ZNF606: variants seen among roughly 807,000 people sequenced by gnomAD.
ZNF606 encodes zinc finger protein 606, also known as zinc finger protein 328.
A neutral mutation model predicts 74.9 loss-of-function variants in ZNF606; 37 were observed. The observed-to-expected ratio is 0.49, with a 90% confidence interval of 0.38 to 0.65. The LOEUF (loss-of-function observed/expected upper bound fraction) is 0.65. ZNF606 is among the 30% of genes least tolerant of loss of function. The probability of loss-of-function intolerance (pLI) is 0.00; values close to 1 mark genes in which losing one functional copy is unlikely to be tolerated. For synonymous variants in ZNF606, 328 were observed against 312.4 expected, an observed-to-expected ratio of 1.05 and a Z score of -0.53; for missense variants, 852 against 952.9, an observed-to-expected ratio of 0.89 and a Z score of 1.39.
intron 4 of ZNF606, among the ~76,000 whole-genome samples, chr19:57,994,779 T>A (rs1427799585): frequency 1.3e-5 from 2 of 152,176 alleles, no homozygotes; most frequent in Non-Finnish European, 2.9e-5. Context: ...GACCTGATAA[T>A]GTCAAGTGTC....
upstream of ZNF606, chr19:58,003,260 G>A (rs992992653): frequency 4.2e-5 from 19 of 456,654 alleles, no homozygotes; most frequent in Non-Finnish European, 7.0e-5. Flanking sequence ...CGACGGCTGA[G>A]AACGTCAGGG....
In ZNF606 at chr19:57,979,137, T is replaced by C; in HGVS notation, c.1543A>G (p.Thr515Ala). 6.2e-7 allele frequency: 1 copy of C among 1,614,054 alleles called. No individual in the cohort carries two copies. Among genetic ancestry groups the C allele is most frequent in the East Asian group, 2.2e-5 (1 of 44,882 alleles). Residue 515 changes from threonine to alanine, a missense_variant, in exon 7 of 7, where the codon ACT (threonine) becomes GCT (alanine). Physicochemically the swap from Thr to Ala is moderately conservative, Grantham distance 58. Transcript: ENST00000551380. Reference sequence around the variant, plus strand: ...CAGCTGAATGATTTCCCACATTCAGTACATTCAAAAGGTTTCTCTCCTGTA... The same window carrying C: ...CAGCTGAATGATTTCCCACATTCAGCACATTCAAAAGGTTTCTCTCCTGTA... Reference protein sequence around the residue: ...THTGEKPFECTECGKSFSWSS... With the variant: ...THTGEKPFECAECGKSFSWSS...
intron 4 of ZNF606, among the ~76,000 whole-genome samples, chr19:57,996,574 C>T (rs888908834): frequency 2.0e-5 from 3 of 152,060 alleles, no homozygotes; most frequent in African/African-American, 7.2e-5. Context: ...AAGGAAAATG[C>T]AAAACCAAAA....
At chr19:57,998,555 G>A (rs1393914820) in intron 4 of ZNF606, 1 of 152,180 alleles carries the variant, frequency 6.6e-6, no homozygotes, top group Non-Finnish European at 1.5e-5. Context: ...TTGGGAGGGA[G>A]TAGGGGAAAC....
At chr19:57,990,110 C>T (rs1221605560) in intron 4 of ZNF606, among the ~76,000 whole-genome samples, 2 of 147,086 alleles carry the variant, frequency 1.4e-5, no homozygotes, top group African/African-American at 2.5e-5. Flanking sequence ...CGCCGGTAAT[C>T]CCAGCACTTT....
intron 4 of ZNF606, chr19:57,998,647 C>CA (rs1332578314): frequency 6.6e-6 from 1 of 152,134 alleles, no homozygotes; most frequent in Admixed American, 6.5e-5. Context: ...GATTGTTGCA[C>CA]AATTCTGTGA....
chr19:57,999,819 C>T lies in ZNF606; in HGVS notation c.166G>A (p.Ala56Thr). 6.2e-7 allele frequency: 1 copy of T among 1,614,066 alleles called. No homozygotes were observed. The highest frequency in any genetic ancestry group is 1.1e-5 in the South Asian group (1 of 91,090). ...CAGCCCCATCTCACCTGAACCTGGG[C>T]TGCTGGGAGCCCAGTGGCCCTCCTC... ...EGRRATGLPAAQVQEPVTFKD... is the reference protein window; with the variant it reads ...EGRRATGLPATQVQEPVTFKD... Residue 56 changes from alanine to threonine, a missense_variant, in exon 4 of 7, where the codon GCC becomes ACC. Physicochemically the swap from Ala to Thr is moderately conservative, Grantham distance 58. Around this residue, in one of 3 missense-constraint regions of ZNF606, gnomAD observed 545 missense variants for 542.5 expected, o/e 1.00. Coordinates refer to ENST00000551380, the MANE Select transcript of ZNF606 (RefSeq NM_001348022.3).
At position 57,999,791 on chromosome 19, in the gene ZNF606, G is replaced by C. The variant is rs375089292; in HGVS notation, c.177+17C>G. The C allele has an allele frequency of 6.2e-7, 1 of 1,612,650 alleles. No individual in the cohort carries two copies. Among genetic ancestry groups the C allele is most frequent in the South Asian group, 1.1e-5 (1 of 91,040 alleles). ...ACCTGGACATCATCCTCTGGGAACAGGACAGCCCCATCTCACCTGAACCTG... is the reference window on the plus strand; with the variant it reads ...ACCTGGACATCATCCTCTGGGAACACGACAGCCCCATCTCACCTGAACCTG... On this transcript the variant is annotated intron_variant, in intron 4 of 6. Transcript: ENST00000551380.
Position 57,979,903 on chromosome 19 carries a change from A to T in ZNF606, c.777T>A (p.Val259=). 6.2e-7 allele frequency: 1 copy of T among 1,613,970 alleles called. No homozygotes were observed. Among genetic ancestry groups the T allele is most frequent in the African/African-American group, 1.3e-5 (1 of 75,046 alleles). ...TGTCATAATCATTATTTTCACAGGTAACCTTATCTGCATACATTATGGCTG... is the reference window on the plus strand; with the variant it reads ...TGTCATAATCATTATTTTCACAGGTTACCTTATCTGCATACATTATGGCTG... ...CDSAIMYADK[V]TCENNDYDKT... Residue 259 remains valine, a synonymous_variant, in exon 7 of 7, where the codon GTT becomes GTA. Transcript: ENST00000551380.
chr19:58,002,780 C>T lies in ZNF606; in HGVS notation c.-436G>A, dbSNP rs752941919. The T allele has an allele frequency of 3.0e-4, 137 of 453,644 alleles. 1 individual carries two copies. The highest frequency in any genetic ancestry group is 4.8e-4 in the Non-Finnish European group (109 of 225,784). The allele number at this position is 453,644 out of a possible 1,614,324, so 28.1% of individuals were successfully genotyped here. On this transcript the variant is annotated 5_prime_UTR_variant, in exon 1 of 7. Coordinates refer to ENST00000551380, the MANE Select transcript of ZNF606 (RefSeq NM_001348022.3). ...CCCACAGCCTGAGCAAAGGCCTCAC[C>T]TCAGCCGCGGACAATGGCGGCTGCT... is the stretch of plus-strand genomic sequence containing the variant.
intron 1 of ZNF606, 152 bp downstream of exon 1, chr19:58,002,244 G>A (rs1361808436): frequency 2.2e-6 from 1 of 456,712 alleles, no homozygotes; most frequent in Non-Finnish European, 4.4e-6. Flanking sequence ...AACTGGCAGG[G>A]GGAGAAACGA....
At chr19:57,990,085 G>A (rs1298963638) in intron 4 of ZNF606, among the ~76,000 whole-genome samples, 8 of 121,116 alleles carry the variant, frequency 6.6e-5, no homozygotes, top group Non-Finnish European at 1.1e-4. Context: ...AAAAAGAGCC[G>A]GGCGCAGTGG....
intron 3 of ZNF606, chr19:58,000,322 C>A (rs371447778): frequency 3.9e-6 from 2 of 510,484 alleles, no homozygotes; most frequent in South Asian, 3.1e-5. Context: ...CCTGGCTTCA[C>A]GCCATTCTCC....
intron 4 of ZNF606, among the ~76,000 whole-genome samples, chr19:57,995,984 G>A (rs768150890): frequency 1.3e-5 from 2 of 152,148 alleles, no homozygotes; most frequent in African/African-American, 2.4e-5. Context: ...CAGTAATATT[G>A]TTCACTGATG....
chr19:57,985,300 G>C (rs2073147953), intron 6 of ZNF606, among the ~76,000 whole-genome samples: 1 of 152,158 alleles, frequency 6.6e-6, no homozygotes, highest in Non-Finnish European at 1.5e-5. Flanking sequence ...TGGTACTTCA[G>C]TGAGCAGAAC....
rs1406057849 is a variant in ZNF606 at position 57,977,092 on chromosome 19, ATTTTCT to A, written c.*1203_*1208del. ...GTAACTTTATTTCTCATTGTTTAGG[ATTTTCT>A]TTTTATTATCAAATCTCTGCTATAG... On this transcript the variant is annotated 3_prime_UTR_variant, in exon 7 of 7. Transcript: ENST00000551380. The A allele has an allele frequency of 6.6e-6, 1 of 152,140 alleles. No individual in the cohort carries two copies. The highest frequency in any genetic ancestry group is 1.5e-5 in the Non-Finnish European group (1 of 68,022). 9.4% of individuals were successfully genotyped at this position (152,140 alleles called of 1,614,324 possible).
At chr19:57,987,239 A>C (rs1397935304) in intron 6 of ZNF606, among the ~76,000 whole-genome samples, 1 of 152,086 alleles carries the variant, frequency 6.6e-6, no homozygotes, top group Non-Finnish European at 1.5e-5. Flanking sequence ...GGGAGTAAAA[A>C]TGAGTTATTT....
chr19:57,993,524 T>C (rs1480620834), intron 4 of ZNF606, among the ~76,000 whole-genome samples: 2 of 152,158 alleles, frequency 1.3e-5, no homozygotes. Flanking sequence ...AAGCAGGTGC[T>C]TCCTGCAAGA....
At chr19:57,992,908 C>T (rs892444086) in intron 4 of ZNF606, among the ~76,000 whole-genome samples, 12 of 152,206 alleles carry the variant, frequency 7.9e-5, no homozygotes, top group Admixed American at 2.6e-4. Context: ...ATGTCCTAAT[C>T]CTAGAACCTG....
Sources: allele counts gnomAD v4.1 joint callset (sites outside exome capture counted in the v4.1 genomes callset), GRCh38; gene constraint gnomAD v4.1.1; regional missense constraint gnomAD v4.1.1; transcripts MANE v1.5; gene names NCBI Gene and HGNC (gene_info 2026-07-23, HGNC 2026-07-21).